Variants in ITGB8 observed in about 807,000 individuals in gnomAD.
ITGB8 encodes the protein integrin beta-8.
In ITGB8, 30 loss-of-function variants were observed where a neutral mutation model predicts 89.5. The ratio of observed to expected loss-of-function variants is 0.34; its 90% CI spans 0.25 to 0.45. The LOEUF is 0.45. ITGB8 is among the 20% of genes least tolerant of loss of function. ITGB8 has a pLI of 1.00. For missense variants in ITGB8, 836 were observed against 933.3 expected (o/e 0.90, Z 1.36); for synonymous variants, 335 against 320.4 (o/e 1.05, Z -0.49).
rs150701020 is a variant in ITGB8, at chr7:20,401,814, G to A, written c.1375G>A (p.Ala459Thr). 104 of 1,612,978 alleles carry A rather than the reference G, an allele frequency of 6.4e-5. No individual in the cohort carries two copies. The highest frequency in any genetic ancestry group is 2.2e-4 in the East Asian group (10 of 44,886). The change falls in exon 10 of 14, where the codon GCT becomes ACT. Residue 459 changes from alanine (A) to threonine (T), a missense_variant. This residue lies in a region of ITGB8 where 422 missense variants were observed against 416.9 expected (regional missense o/e 1.01). Coordinates refer to ENST00000222573, the MANE Select transcript of ITGB8 (RefSeq NM_002214.3). ...CAAACCTATTGGTTTTAATGAAACC[G>A]CTAAAATTCATATACACAGAAACTG... Reference protein sequence around the residue: ...IIKPIGFNETAKIHIHRNCSC... With the variant: ...IIKPIGFNETTKIHIHRNCSC...
chr7:20,345,362 G>A (rs1784888204), intron 1 of ITGB8, among the ~76,000 whole-genome samples: 1 of 147,564 alleles, frequency 6.8e-6, no homozygotes, highest in South Asian at 2.2e-4. Flanking sequence ...GTCCTCATAA[G>A]TCTTATATTT....
chr7:20,358,822 A>C (rs1309475396), intron 1 of ITGB8, among the ~76,000 whole-genome samples: 24 of 152,336 alleles, frequency 1.6e-4, no homozygotes, highest in African/African-American at 5.3e-4. Flanking sequence ...CCAGATACTA[A>C]GCATAGTACC....
At chr7:20,408,917 T>C (rs952224383) in intron 12 of ITGB8, among the ~76,000 whole-genome samples, 4 of 152,172 alleles carry the variant, frequency 2.6e-5, no homozygotes, top group Non-Finnish European at 5.9e-5. Flanking sequence ...AGTGCATGTT[T>C]AGAGGCAAAT....
At chr7:20,379,511 G>A (rs1403258918) in intron 4 of ITGB8, 1 of 212,910 alleles carries the variant, frequency 4.7e-6, no homozygotes, top group Non-Finnish European at 8.9e-6. Context: ...TAAATATTTA[G>A]TCAGTTTTTA....
chr7:20,363,727 G>A lies in ITGB8; in HGVS notation c.213+5G>A, dbSNP rs771824395. The A allele has an allele frequency of 1.3e-6, 2 of 1,486,820 alleles. No homozygotes were observed. Among genetic ancestry groups the A allele is most frequent in the South Asian group, 2.5e-5 (2 of 79,308 alleles). 92.1% of individuals were successfully genotyped at this position (1,486,820 alleles called of 1,614,324 possible). On this transcript the variant is annotated splice_donor_5th_base_variant and intron_variant, in intron 2 of 13. Coordinates refer to ENST00000222573, the MANE Select transcript of ITGB8 (RefSeq NM_002214.3). ...TGTGGATGGTGTGTTCAAGAGGTGT[G>A]CCATTTTTTTTTTTCTTTTTCTCAT...
At chr7:20,387,566 T>G (rs149793267) in intron 6 of ITGB8, among the ~76,000 whole-genome samples, 2 of 152,188 alleles carry the variant, frequency 1.3e-5, no homozygotes, top group Non-Finnish European at 2.9e-5. Flanking sequence ...GGTTCTCAAC[T>G]GGAGTGATTT....
rs920171401 is a variant in ITGB8, at chr7:20,331,546, G to A, written c.-261G>A. On this transcript the variant is annotated 5_prime_UTR_variant, in exon 1 of 14. Transcript: ENST00000222573. The stretch of plus-strand genomic sequence containing the variant: ...TCTCCAGTCGCCGCCGGGGCCCTTG[G>A]CCGTCGAAGGAGGTGCTTCTCGCGG... 67 of 446,496 alleles carry A rather than the reference G, an allele frequency of 1.5e-4. No individual in the cohort carries two copies. Among genetic ancestry groups the A allele is most frequent in the African/African-American group, 1.3e-3 (63 of 48,844 alleles). 27.7% of individuals were successfully genotyped at this position (446,496 alleles called of 1,614,324 possible).
chr7:20,407,180 A>G (rs1238763356), intron 12 of ITGB8, among the ~76,000 whole-genome samples: 1 of 152,068 alleles, frequency 6.6e-6, no homozygotes, highest in Non-Finnish European at 1.5e-5. Context: ...AGTACGTTGC[A>G]TGGGAATTCA....
Position 20,394,986 on chromosome 7 carries a change from G to T in ITGB8, c.1146+1G>T. 6.4e-7 allele frequency: 1 copy of T among 1,570,054 alleles called. No individual in the cohort carries two copies. Among genetic ancestry groups the T allele is most frequent in the Non-Finnish European group, 8.8e-7 (1 of 1,140,194 alleles). On this transcript the variant is annotated splice_donor_variant, in intron 8 of 13. Coordinates refer to ENST00000222573, the MANE Select transcript of ITGB8 (RefSeq NM_002214.3). LOFTEE classifies it high-confidence loss of function. ...TAATTTGGTAGTGGAAGCCTATCAG[G>T]TATGTATATATTAGATACAATTTTT... is the stretch of plus-strand genomic sequence containing the variant.
intron 6 of ITGB8, 28 bp from the exon 7 acceptor site, chr7:20,391,375 C>G: frequency 8.0e-7 from 1 of 1,251,826 alleles, no homozygotes; most frequent in South Asian, 1.3e-5. Flanking sequence ...AAATTTCATT[C>G]CCTTATTTAT....
At chr7:20,330,098 G>T (rs1269088754), upstream of ITGB8, among the ~76,000 whole-genome samples, 1 of 152,158 alleles carries the variant, frequency 6.6e-6, no homozygotes, top group African/African-American at 2.4e-5. Context: ...ACTTGCAAAA[G>T]CCCAGAGCCA....
At chr7:20,367,784 T>C (rs1785762021) in intron 3 of ITGB8, among the ~76,000 whole-genome samples, 1 of 152,216 alleles carries the variant, frequency 6.6e-6, no homozygotes, top group South Asian at 2.1e-4. Flanking sequence ...TTTTCTCCTA[T>C]ACCTCTTTTG....
At chr7:20,370,818 T>C (rs1220929896) in intron 3 of ITGB8, among the ~76,000 whole-genome samples, 2 of 152,092 alleles carry the variant, frequency 1.3e-5, no homozygotes, top group Non-Finnish European at 2.9e-5. Context: ...TTCACCATGT[T>C]GGCCAGACTG....
At chr7:20,335,941 A>AAAT (rs1784556830) in intron 1 of ITGB8, among the ~76,000 whole-genome samples, 2 of 150,900 alleles carry the variant, frequency 1.3e-5, no homozygotes, top group Non-Finnish European at 2.9e-5. Flanking sequence ...CTTAACCTCT[A>AAAT]AATGTAGTAG....
chr7:20,344,735 G>A (rs897313646), intron 1 of ITGB8, among the ~76,000 whole-genome samples: 3 of 152,110 alleles, frequency 2.0e-5, no homozygotes, highest in African/African-American at 7.2e-5. Context: ...CCAAGAGAAG[G>A]GACAGCATTG....
chr7:20,343,443 C>T (rs924920972), intron 1 of ITGB8, among the ~76,000 whole-genome samples: 7 of 152,148 alleles, frequency 4.6e-5, no homozygotes, highest in Non-Finnish European at 8.8e-5. Context: ...CCTGCCTGTT[C>T]CATTTCATAG....
intron 9 of ITGB8, among the ~76,000 whole-genome samples, chr7:20,401,039 A>G (rs1388247251): frequency 2.0e-5 from 3 of 152,086 alleles, no homozygotes; most frequent in African/African-American, 7.2e-5. Context: ...CAGTGGTGCA[A>G]TCTCGGCTCA....
chr7:20,395,388 G>C (rs1248915058), intron 8 of ITGB8, among the ~76,000 whole-genome samples: 1 of 152,194 alleles, frequency 6.6e-6, no homozygotes, highest in Non-Finnish European at 1.5e-5. Context: ...TAAACTATCT[G>C]GGATATAGCA....
chr7:20,355,011 C>T (rs1443395933), intron 1 of ITGB8, among the ~76,000 whole-genome samples: 1 of 152,210 alleles, frequency 6.6e-6, no homozygotes, highest in African/African-American at 2.4e-5. Flanking sequence ...CACCCATGCT[C>T]TTTTTATAGG....
Sources: gnomAD v4.1 joint callset for allele counts (sites outside exome capture counted in the v4.1 genomes callset) on GRCh38, gnomAD v4.1.1 for gene constraint, gnomAD v4.1.1 regional missense constraint, MANE v1.5 for transcripts, NCBI Gene and HGNC (gene_info 2026-07-23, HGNC 2026-07-21) for gene names.